The following TUBGCP5 variants were observed in gnomAD, a reference collection of about 807,000 sequenced individuals.
TUBGCP5 encodes the protein gamma-tubulin complex component 5.
TUBGCP5 carries 98 observed loss-of-function variants against 134.7 expected under a neutral mutation model. That is an observed-to-expected ratio of 0.73 (90% CI 0.62 to 0.86). The LOEUF (loss-of-function observed/expected upper bound fraction) is 0.86, where lower values mean the gene tolerates loss of function less well. Ranked by LOEUF, TUBGCP5 falls within the 40% of genes least tolerant of loss-of-function variation. The pLI is 0.00. For missense variants in TUBGCP5, 1,150 were observed against 1,244.8 expected (o/e 0.92, Z 1.15); for synonymous variants, 456 against 431.4 (o/e 1.06, Z -0.71).
chr15:23,019,085 A>G (rs2065504787), intron 12 of TUBGCP5, 134 bp downstream of exon 12: 2 of 556,892 alleles, frequency 3.6e-6, no homozygotes, highest in East Asian at 3.0e-5. Flanking sequence ...GAACTTGCCT[A>G]TGATGACGAC....
rs1458053423 is a variant in TUBGCP5 at position 23,010,133 on chromosome 15, C to G, written c.1956G>C (p.Arg652Ser). ...GAAAGTCACTCTGCTCCAAATACAT[C>G]CTTCAAGATAAAAATGTGAGTCTTC... ...HDPLLAINFA[R>S]MYLEQSDFHE... is the part of the protein sequence containing the mutation. Residue 652 changes from arginine to serine, a missense_variant and splice_region_variant, in exon 15 of 23, where the codon AGG becomes AGC. Physicochemically the swap from Arg to Ser is moderately radical, Grantham distance 110. Around this residue, in one of 2 missense-constraint regions of TUBGCP5, gnomAD observed 697 missense variants for 850.1 expected, o/e 0.82. Coordinates refer to ENST00000615383, the MANE Select transcript of TUBGCP5 (RefSeq NM_052903.6). 1 of 1,609,206 alleles carries G rather than the reference C, an allele frequency of 6.2e-7. No homozygotes were observed. The highest frequency in any genetic ancestry group is 1.7e-5 in the Admixed American group (1 of 59,640).
In TUBGCP5 at chr15:22,990,902, A is replaced by G. The variant is rs2063825630; in HGVS notation, c.*61+5943T>C. 2.0e-5 allele frequency among the ~76,000 whole-genome samples: 3 copies of G among 152,170 alleles called. No homozygotes were observed. The South Asian group carries it at 6.2e-4, about 31-fold the overall frequency. Reference sequence around the variant, plus strand: ...GGGAGTGAAGCAGCCACACAGCCACAGTCATAGAATGCTGGCAGCCCCCAG... The same window carrying G: ...GGGAGTGAAGCAGCCACACAGCCACGGTCATAGAATGCTGGCAGCCCCCAG... On this transcript the variant is annotated intron_variant and NMD_transcript_variant, in intron 23 of 23. Coordinates refer to the TUBGCP5 transcript ENST00000614508.
chr15:23,014,444 C>T (rs1430953173), intron 13 of TUBGCP5, among the ~76,000 whole-genome samples: 2 of 152,224 alleles, frequency 1.3e-5, no homozygotes, highest in African/African-American at 4.8e-5. Flanking sequence ...CTGTGGTCTG[C>T]CCTTGGTGGG....
In TUBGCP5 at chr15:23,030,600, T is replaced by TAAA. The variant is rs1567162272; in HGVS notation, c.622+284_622+285insTTT. On this transcript the variant is annotated intron_variant, in intron 6 of 22. Transcript: ENST00000615383. ...CTTAGCAAAATCAGTCCTTCTCCAA[T>TAAA]TAAAAAAAAAAAAAAAAAAGGAAAC... 5.3e-3 allele frequency among the ~76,000 whole-genome samples: 626 copies of TAAA among 118,746 alleles called. 4 individuals carry two copies. The highest frequency in any genetic ancestry group is 5.7e-3 in the Non-Finnish European group (334 of 58,158). 77.9% of individuals were successfully genotyped at this position (118,746 alleles called of 152,430 possible). A position where few individuals can be genotyped will look rare whatever the true frequency, so the allele number is the denominator to read the frequency against.
downstream of TUBGCP5, chr15:22,999,075 C>T (rs994024545): frequency 1.3e-5 from 2 of 152,100 alleles, no homozygotes; most frequent in African/African-American, 4.8e-5. Context: ...ATAAACATTT[C>T]TAGGACAGCT....
rs1016944973 is a variant in TUBGCP5 at position 23,017,308 on chromosome 15, A to G, written c.1756+465T>C. Among the ~76,000 whole-genome samples the G allele has an allele frequency of 4.6e-5, 7 of 152,074 alleles. No homozygotes were observed. The East Asian group carries it at 1.3e-3, about 29-fold the overall frequency. On this transcript the variant is annotated intron_variant, in intron 13 of 22. Transcript: ENST00000615383. ...ATGTATTATAGAGTTGCACATAGCA[A>G]AGAAGAGGATACTGAATGTCCCCAA...
In TUBGCP5 at chr15:22,988,722, C is replaced by T. The variant is rs546549676; in HGVS notation, c.*62-5111G>A. The stretch of plus-strand genomic sequence containing the variant: ...CTGCACTCCAGCCTGGACGACAGAG[C>T]GAGACTCCGTCTCAAAAAAAAAAAA... On this transcript the variant is annotated intron_variant and NMD_transcript_variant, in intron 23 of 23. Coordinates refer to the TUBGCP5 transcript ENST00000614508. Among the ~76,000 whole-genome samples the T allele has an allele frequency of 2.1e-3, 275 of 128,326 alleles. 2 individuals are homozygous for T. Among genetic ancestry groups the T allele is most frequent in the Middle Eastern group, 8.3e-3 (2 of 240 alleles). 84.2% of individuals were successfully genotyped at this position (128,326 alleles called of 152,430 possible). A position where few individuals can be genotyped will look rare whatever the true frequency, so the allele number is the denominator to read the frequency against.
chr15:23,033,052 AGTATAAGATCT>A, intron 3 of TUBGCP5, among the ~76,000 whole-genome samples: 1 of 152,298 alleles, frequency 6.6e-6, no homozygotes, highest in South Asian at 2.1e-4. Context: ...ATTTCTAACA[AGTATAAGATCT>A]GAGTGGATGA....
At position 23,030,760 on chromosome 15, in the gene TUBGCP5, T is replaced by A. The variant is rs1194501843; in HGVS notation, c.622+125A>T. On this transcript the variant is annotated intron_variant, in intron 6 of 22. Transcript: ENST00000615383. ...AAAACATTACTAATGGTTTTAAAAATTGGTTTTATAAGGATGGTAGAGCTT... is the reference window on the plus strand; with the variant it reads ...AAAACATTACTAATGGTTTTAAAAAATGGTTTTATAAGGATGGTAGAGCTT... 3.9e-6 allele frequency: 4 copies of A among 1,016,440 alleles called. No individual in the cohort carries two copies. The African/African-American group carries it at 6.6e-5, about 17-fold the overall frequency. 63.0% of individuals were successfully genotyped at this position (1,016,440 alleles called of 1,614,324 possible). A position where few individuals can be genotyped will look rare whatever the true frequency, so the allele number is the denominator to read the frequency against.
intron 2 of TUBGCP5, 43 bp downstream of exon 2, chr15:23,037,056 A>G: frequency 1.3e-6 from 2 of 1,599,502 alleles, no homozygotes; most frequent in Non-Finnish European, 1.7e-6. Context: ...TCTATAAGAA[A>G]ATACATATAT....
At chr15:23,000,398 C>A in intron 22 of TUBGCP5, 171 bp downstream of exon 22, 4 of 1,396,308 alleles carry the variant, frequency 2.9e-6, no homozygotes, top group Non-Finnish European at 3.7e-6. Flanking sequence ...ACTCACCTCA[C>A]CGTAATGCTT....
At chr15:23,032,598 C>T in intron 4 of TUBGCP5, 130 bp downstream of exon 4, 1 of 578,608 alleles carries the variant, frequency 1.7e-6, no homozygotes, top group Non-Finnish European at 2.8e-6. Flanking sequence ...ATTGTGATAG[C>T]ATCTAAAGCA....
Position 23,017,905 on chromosome 15 carries a change from A to C in TUBGCP5, c.1624T>G (p.Ser542Ala). 1 of 1,614,108 alleles carries C rather than the reference A, an allele frequency of 6.2e-7. No individual in the cohort carries two copies. Residue 542 changes from serine to alanine, a missense_variant, in exon 13 of 23, where the codon TCC (serine) becomes GCC (alanine). By Grantham distance (99) the Ser-to-Ala change is moderately conservative. Coordinates refer to ENST00000615383, the MANE Select transcript of TUBGCP5 (RefSeq NM_052903.6). ...GACACCATGGTGTGCTGCCTGCTGG[A>C]GGGCCCCTGGTCACTGCCGGAACTC... ...SASSGSDQGP[S>A]SRQHTMVSFL...
chr15:23,027,072 T>A, intron 7 of TUBGCP5, 120 bp downstream of exon 7: 2 of 778,960 alleles, frequency 2.6e-6, no homozygotes, highest in Non-Finnish European at 4.1e-6. Flanking sequence ...AAAAAAAGAA[T>A]TGTCAAAACA....
chr15:22,993,165 T>C (rs976470822), intron 23 of TUBGCP5, among the ~76,000 whole-genome samples: 1 of 152,036 alleles, frequency 6.6e-6, no homozygotes, highest in Admixed American at 6.6e-5. Context: ...AGCGGTGTGA[T>C]CTCAGCTCAC....
chr15:23,022,833 T>C (rs2065779014), intron 10 of TUBGCP5, among the ~76,000 whole-genome samples: 1 of 152,194 alleles, frequency 6.6e-6, no homozygotes, highest in African/African-American at 2.4e-5. Context: ...GTACTATTTT[T>C]TGTGGTAGTT....
intron 6 of TUBGCP5, 77 bp from the exon 7 acceptor site, chr15:23,027,383 A>G (rs1395306387): frequency 8.8e-7 from 1 of 1,133,964 alleles, no homozygotes; most frequent in Non-Finnish European, 1.3e-6. Context: ...TTACAGCTCC[A>G]TTCAAACGTA....
chr15:23,011,006 A>G, intron 14 of TUBGCP5, 127 bp downstream of exon 14: 1 of 895,518 alleles, frequency 1.1e-6, no homozygotes, highest in East Asian at 2.5e-5. Flanking sequence ...AAAAAGGAAA[A>G]AGAAAAAAGA....
chr15:22,996,669 G>A (rs1018384053), downstream of TUBGCP5, among the ~76,000 whole-genome samples: 2 of 151,980 alleles, frequency 1.3e-5, no homozygotes, highest in African/African-American at 2.4e-5. Context: ...TGTATTTTTA[G>A]TAGAGATGGA....
Sources: gnomAD v4.1 joint callset for allele counts (sites outside exome capture counted in the v4.1 genomes callset) on GRCh38, gnomAD v4.1.1 for gene constraint, gnomAD v4.1.1 regional missense constraint, MANE v1.5 for transcripts, NCBI Gene and HGNC (gene_info 2026-07-23, HGNC 2026-07-21) for gene names.